ALDH4A1: variants seen among roughly 807,000 people sequenced by gnomAD.
The protein encoded by ALDH4A1 is delta-1-pyrroline-5-carboxylate dehydrogenase, mitochondrial.
ALDH4A1 carries 46 observed loss-of-function variants against 70.5 expected under a neutral mutation model. The ratio of observed to expected loss-of-function variants is 0.65; its 90% CI spans 0.51 to 0.83. The LOEUF is 0.83. Ranked by LOEUF, ALDH4A1 falls within the 40% of genes least tolerant of loss-of-function variation. The pLI is 0.00. For missense variants in ALDH4A1, 749 were observed against 766.5 expected, an observed-to-expected ratio of 0.98 and a Z score of 0.27; for synonymous variants, 323 against 324.3, an observed-to-expected ratio of 1.00 and a Z score of 0.04.
chr1:18,876,544 C>A, intron 11 of ALDH4A1, 77 bp from the exon 12 acceptor site: 1 of 1,469,584 alleles, frequency 6.8e-7, no homozygotes, highest in Non-Finnish European at 9.1e-7. Context: ...CACACTCACC[C>A]CGAAACACCT....
At position 18,872,909 on chromosome 1, in the gene ALDH4A1, G is replaced by T; in HGVS notation, c.1628C>A (p.Ser543Ter). Reference protein sequence around the residue: ...GGPHYILRWTSPQVIKETHKP... With the variant: ...GGPHYILRWT ...ATGTGTCTCCTTGATGACCTGCGGC[G>T]ACGTCCAGCGCAGGATGTAGTGTGG... The change falls in exon 15 of 15, where the codon TCG (serine) becomes TAG (stop). Residue 543 changes from serine (S) to a stop codon, truncating the protein, a stop_gained. Coordinates refer to ENST00000375341, the MANE Select transcript of ALDH4A1 (RefSeq NM_003748.4). LOFTEE classifies it high-confidence loss of function. 1.2e-6 allele frequency: 2 copies of T among 1,614,100 alleles called. No homozygotes were observed. Among genetic ancestry groups the T allele is most frequent in the Non-Finnish European group, 1.7e-6 (2 of 1,180,028 alleles).
intron 1 of ALDH4A1, among the ~76,000 whole-genome samples, chr1:18,894,776 C>G (rs1322713258): frequency 1.3e-5 from 2 of 151,924 alleles, no homozygotes; most frequent in Non-Finnish European, 2.9e-5. Context: ...AGAACAGACA[C>G]TAGTTCAAAG....
At chr1:18,899,433 A>G (rs2100616758) in intron 1 of ALDH4A1, among the ~76,000 whole-genome samples, 1 of 152,372 alleles carries the variant, frequency 6.6e-6, no homozygotes, top group Middle Eastern at 3.4e-3. Flanking sequence ...AATAAGGAAC[A>G]GAAGTGAACT....
chr1:18,887,486 C>T (rs1473865595), intron 3 of ALDH4A1, among the ~76,000 whole-genome samples: 2 of 152,200 alleles, frequency 1.3e-5, no homozygotes, highest in Non-Finnish European at 2.9e-5. Flanking sequence ...GTAATCCCAG[C>T]TACTGGGGAG....
intron 1 of ALDH4A1, among the ~76,000 whole-genome samples, chr1:18,899,225 G>A (rs1184265138): frequency 2.6e-5 from 4 of 152,220 alleles, no homozygotes. Context: ...GGCAAGCTGT[G>A]CCCATCCAAG....
chr1:18,873,072 T>C, intron 14 of ALDH4A1, 115 bp from the exon 15 acceptor site: 1 of 901,684 alleles, frequency 1.1e-6, no homozygotes, highest in South Asian at 1.4e-5. Flanking sequence ...GCAGCGAGCC[T>C]GCTGCCAAGC....
At position 18,874,486 on chromosome 1, in the gene ALDH4A1, G is replaced by A. The variant is rs1253842303; in HGVS notation, c.1556C>T (p.Pro519Leu). Residue 519 changes from proline to leucine, a missense_variant, in exon 14 of 15, where the codon CCC becomes CTC. By Grantham distance (98) the Pro-to-Leu change is moderately conservative. Coordinates refer to ENST00000375341, the MANE Select transcript of ALDH4A1 (RefSeq NM_003748.4). ...ACCAGAGGCTCGGGCCCCCCCAAAG[G>A]GCTGCTGGCCCACTATCGAGCCAGT... ...KSTGSIVGQQ[P>L]FGGARASGTN... The A allele has an allele frequency of 1.9e-6, 3 of 1,613,988 alleles. No homozygotes were observed. Among genetic ancestry groups the A allele is most frequent in the Non-Finnish European group, 2.5e-6 (3 of 1,180,028 alleles).
chr1:18,877,857 C>G (rs1324261134), intron 9 of ALDH4A1, among the ~76,000 whole-genome samples: 1 of 152,224 alleles, frequency 6.6e-6, no homozygotes, highest in African/African-American at 2.4e-5. Context: ...CAGAGGTGAT[C>G]AGGTCCAACA....
intron 14 of ALDH4A1, among the ~76,000 whole-genome samples, chr1:18,873,332 A>G (rs1934528616): frequency 6.6e-6 from 1 of 152,182 alleles, no homozygotes; most frequent in South Asian, 2.1e-4. Flanking sequence ...CAGAATTCCT[A>G]AAGCTCTTGG....
rs1267031909 is a variant in ALDH4A1 at position 18,898,703 on chromosome 1, G to A, written c.62+3759C>T. Among the ~76,000 whole-genome samples, 5 of 152,130 alleles carry A rather than the reference G, an allele frequency of 3.3e-5. No homozygotes were observed. Among genetic ancestry groups the A allele is most frequent in the African/African-American group, 1.2e-4 (5 of 41,432 alleles). Reference sequence around the variant, plus strand: ...CAGAGAGGGTGAGTAACCTGCCCGGGGCCACAGAGCTGCCAAGAGTTGGAG... The same window carrying A: ...CAGAGAGGGTGAGTAACCTGCCCGGAGCCACAGAGCTGCCAAGAGTTGGAG... On this transcript the variant is annotated intron_variant, in intron 1 of 14. Transcript: ENST00000375341. The surrounding 1 kb of genome is among the most constrained non-coding windows in gnomAD (Gnocchi z 4.3).
chr1:18,876,276 T>C lies in ALDH4A1; in HGVS notation c.1338+39A>G, dbSNP rs7550822. On this transcript the variant is annotated intron_variant, in intron 12 of 14. Transcript: ENST00000375341. ...GTGTGTGTGCTGTGCTCCGGTGGGA[T>C]TGTCCTCCTCTGGACCCCAGGCTGC... The C allele has an allele frequency of 0.97, 1,562,188 of 1,610,774 alleles. 759,123 individuals are homozygous for C. Among genetic ancestry groups the C allele is most frequent in the East Asian group, 1 (44,828 of 44,830 alleles).
At chr1:18,895,619 G>A in intron 1 of ALDH4A1, among the ~76,000 whole-genome samples, 1 of 152,192 alleles carries the variant, frequency 6.6e-6, no homozygotes, top group East Asian at 1.9e-4. Context: ...GCAAGTACTG[G>A]GATCTGATCT....
At chr1:18,890,975 C>A (rs1935411031) in intron 1 of ALDH4A1, 4 of 873,528 alleles carry the variant, frequency 4.6e-6, no homozygotes, top group Non-Finnish European at 5.5e-6. Flanking sequence ...CAGCTCACAG[C>A]CCCGGGAGGG....
At chr1:18,895,209 C>A (rs1378735162) in intron 1 of ALDH4A1, among the ~76,000 whole-genome samples, 1 of 152,218 alleles carries the variant, frequency 6.6e-6, no homozygotes, top group East Asian at 1.9e-4. Context: ...AGCCCTCAGT[C>A]CTCCCACTTA....
At position 18,885,513 on chromosome 1, in the gene ALDH4A1, G is replaced by C. The variant is rs139640415; in HGVS notation, c.413C>G (p.Pro138Arg). 4 of 1,542,018 alleles carry C rather than the reference G, an allele frequency of 2.6e-6. No homozygotes were observed. Among genetic ancestry groups the C allele is most frequent in the Non-Finnish European group, 3.5e-6 (4 of 1,137,718 alleles). Residue 138 changes from proline (P) to arginine (R), a missense_variant, in exon 5 of 15, where the codon CCG (proline) becomes CGG (arginine). Coordinates refer to ENST00000375341, the MANE Select transcript of ALDH4A1 (RefSeq NM_003748.4). ...CTTGGCGAGGATCTCAGCCCTGCGC[G>C]GCCCACTCAGCATGTCTGCCGCCTT... ...FLKAADMLSG[P>R]RRAEILAKTM... is the part of the protein sequence containing the mutation.
intron 9 of ALDH4A1, 121 bp downstream of exon 9, chr1:18,879,179 G>T: frequency 1.0e-6 from 1 of 976,194 alleles, no homozygotes; most frequent in Non-Finnish European, 1.6e-6. Flanking sequence ...CAGTGCTGGT[G>T]CCTGAAATGG....
intron 13 of ALDH4A1, 101 bp from the exon 14 acceptor site, chr1:18,874,682 G>A (rs1370512529): frequency 3.0e-5 from 37 of 1,233,764 alleles, no homozygotes; most frequent in Non-Finnish European, 4.4e-5. Context: ...GGCTTTCCAG[G>A]TTCAACAGGA....
chr1:18,890,004 C>T lies in ALDH4A1; in HGVS notation c.156+8G>A. 6.2e-7 allele frequency: 1 copy of T among 1,601,150 alleles called. No individual in the cohort carries two copies. Among genetic ancestry groups the T allele is most frequent in the Non-Finnish European group, 8.5e-7 (1 of 1,173,508 alleles). ...GCACCTCTCGGGTGCCTCCCACCCT[C>T]CCATTACCTTTTGCAGGGCATCTCG... is the stretch of plus-strand genomic sequence containing the variant. On this transcript the variant is annotated splice_region_variant and intron_variant, in intron 2 of 14. Coordinates refer to ENST00000375341, the MANE Select transcript of ALDH4A1 (RefSeq NM_003748.4).
intron 8 of ALDH4A1, among the ~76,000 whole-genome samples, chr1:18,879,873 G>A (rs140377092): frequency 4.6e-5 from 7 of 152,278 alleles, no homozygotes; most frequent in East Asian, 1.9e-4. Flanking sequence ...CTCAGGCCCC[G>A]CCCGAAGCCA....
Sources: gnomAD v4.1 joint callset for allele counts (sites outside exome capture counted in the v4.1 genomes callset) on GRCh38, gnomAD v4.1.1 for gene constraint, Gnocchi (gnomAD v3.1) non-coding constraint, MANE v1.5 for transcripts, NCBI Gene and HGNC (gene_info 2026-07-23, HGNC 2026-07-21) for gene names.